TRIM62: variants seen among roughly 807,000 people sequenced by gnomAD.
TRIM62 encodes tripartite motif containing 62.
In TRIM62, 39 loss-of-function variants were observed where a neutral mutation model predicts 44.2. That is an observed-to-expected ratio of 0.88 (90% CI 0.68 to 1.15). The LOEUF (loss-of-function observed/expected upper bound fraction) is 1.15. Ranked by LOEUF, TRIM62 falls within the 50% of genes most tolerant of loss-of-function variation. The pLI, the probability that TRIM62 is intolerant of heterozygous loss-of-function variation, is 0.00. For synonymous variants in TRIM62, 278 were observed against 292.3 expected (o/e 0.95, Z 0.50); for missense variants, 544 against 665.5 (o/e 0.82, Z 2.01).
Position 33,181,254 on chromosome 1 carries a change from G to T in TRIM62, c.179C>A (p.Pro60His), listed in dbSNP as rs1468572066. The stretch of plus-strand genomic sequence containing the variant: ...CAGCTTGAGGCTGGGCGCCAGCGCG[G>T]GCTCGGCGAACGTGCGCCGGCACTC... ...CPECRRTFAE[P>H]ALAPSLKLAN... The change falls in exon 1 of 5, where the codon CCC (proline) becomes CAC (histidine). Residue 60 changes from proline (P) to histidine (H), a missense_variant. Pro to His is a moderately conservative substitution (Grantham distance 77). Coordinates refer to ENST00000291416, the MANE Select transcript of TRIM62 (RefSeq NM_018207.3). This position sits in a 1 kb window ranked among gnomAD's most constrained non-coding sequence, Gnocchi z 6.5. 2 of 1,549,454 alleles carry T rather than the reference G, an allele frequency of 1.3e-6. No individual in the cohort carries two copies. The highest frequency in any genetic ancestry group is 1.2e-5 in the South Asian group (1 of 85,380).
intron 1 of TRIM62, among the ~76,000 whole-genome samples, chr1:33,172,058 A>T (rs1216330296): frequency 6.6e-6 from 1 of 152,224 alleles, no homozygotes; most frequent in African/African-American, 2.4e-5. Context: ...CTGTGATTAC[A>T]GGCATCAGCC....
chr1:33,155,141 G>A (rs1645160474), intron 4 of TRIM62, among the ~76,000 whole-genome samples: 1 of 149,210 alleles, frequency 6.7e-6, no homozygotes, highest in African/African-American at 2.4e-5. Context: ...GCGCGATCTC[G>A]GCTCATTGCA....
intron 2 of TRIM62, 79 bp from the exon 3 acceptor site, chr1:33,160,023 C>G: frequency 1.3e-6 from 2 of 1,547,522 alleles, no homozygotes; most frequent in Non-Finnish European, 1.7e-6. Flanking sequence ...AAATCGAGAG[C>G]CTTGACACAC....
intron 1 of TRIM62, among the ~76,000 whole-genome samples, chr1:33,173,395 A>ATG (rs947771450): frequency 6.6e-6 from 1 of 151,992 alleles, no homozygotes; most frequent in Non-Finnish European, 1.5e-5. Context: ...GGGTGCGTGC[A>ATG]TGTGTGTGTG....
intron 1 of TRIM62, among the ~76,000 whole-genome samples, chr1:33,171,930 C>T (rs1351424951): frequency 2.0e-5 from 3 of 152,022 alleles, no homozygotes; most frequent in Admixed American, 6.5e-5. Context: ...TATAGGCGCC[C>T]GACACCACGC....
intron 4 of TRIM62, among the ~76,000 whole-genome samples, chr1:33,151,430 A>T (rs1006266206): frequency 6.6e-6 from 1 of 152,082 alleles, no homozygotes; most frequent in Non-Finnish European, 1.5e-5. Flanking sequence ...CGAATCATTA[A>T]CACAGGGTCT....
chr1:33,158,486 T>C (rs1645212793), intron 3 of TRIM62, 118 bp from the exon 4 acceptor site: 1 of 735,916 alleles, frequency 1.4e-6, no homozygotes, highest in Admixed American at 2.2e-5. Flanking sequence ...GTGAGAAGTC[T>C]GTGGGACTCA....
Position 33,147,228 on chromosome 1 carries a change from G to A in TRIM62, c.1377C>T (p.His459=), listed in dbSNP as rs774201238. The A allele has an allele frequency of 5.0e-6, 8 of 1,614,010 alleles. No individual in the cohort carries two copies. The highest frequency in any genetic ancestry group is 4.5e-5 in the East Asian group (2 of 44,886). The change falls in exon 5 of 5, where the codon CAC becomes CAT. Residue 459 remains histidine, a synonymous_variant. Transcript: ENST00000291416. The surrounding 1 kb of genome is among the most constrained non-coding windows in gnomAD (Gnocchi z 8.1). ...LCSYFSPGQS[H]ANGKNVQPLR... Reference sequence around the variant, plus strand: ...GCGGCTGAACGTTCTTGCCATTGGCGTGGCTCTGGCCAGGGCTGAAGTAAG... The same window carrying A: ...GCGGCTGAACGTTCTTGCCATTGGCATGGCTCTGGCCAGGGCTGAAGTAAG...
At position 33,177,061 on chromosome 1, in the gene TRIM62, A is replaced by ATG; in HGVS notation, c.408+3963_408+3964insCA. Among the ~76,000 whole-genome samples, 1 of 64,070 alleles carries ATG rather than the reference A, an allele frequency of 1.6e-5. No individual in the cohort carries two copies. The highest frequency in any genetic ancestry group is 3.6e-5 in the Non-Finnish European group (1 of 28,096). The allele number at this position is 64,070 out of a possible 152,430, so 42.0% of individuals were successfully genotyped here. A position where few individuals can be genotyped will look rare whatever the true frequency, so the allele number is the denominator to read the frequency against. On this transcript the variant is annotated intron_variant, in intron 1 of 4. Coordinates refer to ENST00000291416, the MANE Select transcript of TRIM62 (RefSeq NM_018207.3). This position sits in a 1 kb window ranked among gnomAD's most constrained non-coding sequence, Gnocchi z 4.1. ...CATGCACACACACACGCACACACAC[A>ATG]CACATGCACACACACACATGCATGC...
Position 33,147,451 on chromosome 1 carries a change from C to T in TRIM62, c.1154G>A (p.Gly385Asp). Residue 385 changes from glycine to aspartate, a missense_variant, in exon 5 of 5, where the codon GGC becomes GAC. Gly to Asp is a moderately conservative substitution (Grantham distance 94). Coordinates refer to ENST00000291416, the MANE Select transcript of TRIM62 (RefSeq NM_018207.3). This position sits in a 1 kb window ranked among gnomAD's most constrained non-coding sequence, Gnocchi z 8.1. ...ATCGTGCATCACGATGCAGTAGAAGCCGCGGCTGGGCTGGATCTGGATGCT... is the reference window on the plus strand; with the variant it reads ...ATCGTGCATCACGATGCAGTAGAAGTCGCGGCTGGGCTGGATCTGGATGCT... ...KGSIQIQPSR[G>D]FYCIVMHDGN... 1.2e-6 allele frequency: 2 copies of T among 1,613,958 alleles called. No homozygotes were observed. The highest frequency in any genetic ancestry group is 1.7e-6 in the Non-Finnish European group (2 of 1,179,992).
Position 33,147,529 on chromosome 1 carries a change from TCCGCCACCA to T in TRIM62, c.1067_1075del (p.Val356_Ala358del), listed in dbSNP as rs1200209436. 2 of 1,613,738 alleles carry T rather than the reference TCCGCCACCA, an allele frequency of 1.2e-6. No individual in the cohort carries two copies. Among genetic ancestry groups the T allele is most frequent in the Non-Finnish European group, 8.5e-7 (1 of 1,180,000 alleles). ...CAGCCCGATCACCCACTGGGTCTTC[TCCGCCACCA>T]CCACCTCCCAGTAGTGGACGCCACT... On this transcript the variant is annotated inframe_deletion, in exon 5 of 5. Coordinates refer to ENST00000291416, the MANE Select transcript of TRIM62 (RefSeq NM_018207.3). The surrounding 1 kb of genome is among the most constrained non-coding windows in gnomAD (Gnocchi z 8.1).
At chr1:33,171,342 T>C (rs1292300829) in intron 1 of TRIM62, among the ~76,000 whole-genome samples, 1 of 152,178 alleles carries the variant, frequency 6.6e-6, no homozygotes, top group African/African-American at 2.4e-5. Flanking sequence ...CACCTAATTC[T>C]CACAACAATC....
chr1:33,170,175 C>T (rs1037257044), intron 1 of TRIM62, among the ~76,000 whole-genome samples: 2 of 152,102 alleles, frequency 1.3e-5, no homozygotes, highest in African/African-American at 4.8e-5. Flanking sequence ...ACTAAAAATA[C>T]AAAAATTAGC....
At chr1:33,169,668 G>T (rs988134278) in intron 1 of TRIM62, among the ~76,000 whole-genome samples, 1 of 152,212 alleles carries the variant, frequency 6.6e-6, no homozygotes, top group Non-Finnish European at 1.5e-5. Flanking sequence ...TGGTCCAGAC[G>T]TGTGCTGTTC....
intron 1 of TRIM62, among the ~76,000 whole-genome samples, chr1:33,168,684 A>G (rs1645349682): frequency 6.6e-6 from 1 of 152,230 alleles, no homozygotes; most frequent in African/African-American, 2.4e-5. Flanking sequence ...TTGAGCGGAT[A>G]CAGTCCTCGG....
rs1327321812 is a variant in TRIM62, at chr1:33,159,991, G to A, written c.505-47C>T. On this transcript the variant is annotated intron_variant, in intron 2 of 4. Transcript: ENST00000291416. The surrounding 1 kb of genome is among the most constrained non-coding windows in gnomAD (Gnocchi z 4.2). ...GGTTATGGCTGGGGGAGCAGATGGG[G>A]TGATCTCTGGGTGAGAGGAGGAAAT... 1 of 1,581,648 alleles carries A rather than the reference G, an allele frequency of 6.3e-7. No individual in the cohort carries two copies. Among genetic ancestry groups the A allele is most frequent in the Non-Finnish European group, 8.6e-7 (1 of 1,165,898 alleles).
At position 33,165,586 on chromosome 1, in the gene TRIM62, G is replaced by T; in HGVS notation, c.409-20C>A. The stretch of plus-strand genomic sequence containing the variant: ...CTCCCTCTGAAACACACACAGGGCC[G>T]GGATGGGGGCAGGGGCCATGCCTGG... On this transcript the variant is annotated intron_variant, in intron 1 of 4. Transcript: ENST00000291416. The surrounding 1 kb of genome is among the most constrained non-coding windows in gnomAD (Gnocchi z 4.0). 1 of 1,591,262 alleles carries T rather than the reference G, an allele frequency of 6.3e-7. No individual in the cohort carries two copies.
At chr1:33,169,825 G>T (rs542650336) in intron 1 of TRIM62, among the ~76,000 whole-genome samples, 1 of 152,184 alleles carries the variant, frequency 6.6e-6, no homozygotes, top group East Asian at 1.9e-4. Context: ...AGAACTGCCC[G>T]TTCTACCAGA....
At position 33,174,558 on chromosome 1, in the gene TRIM62, A is replaced by C. The variant is rs149996347; in HGVS notation, c.408+6467T>G. Reference sequence around the variant, plus strand: ...AGATCCATCTCATAGGGTTACTGTTAGAATTAAATGAGAGGTAGGCTGGGG... The same window carrying C: ...AGATCCATCTCATAGGGTTACTGTTCGAATTAAATGAGAGGTAGGCTGGGG... On this transcript the variant is annotated intron_variant, in intron 1 of 4. Transcript: ENST00000291416. Among the ~76,000 whole-genome samples the C allele has an allele frequency of 2.4e-3, 367 of 152,314 alleles. 3 individuals are homozygous for C. The highest frequency in any genetic ancestry group is 8.4e-3 in the African/African-American group (350 of 41,560).
Sources: allele counts gnomAD v4.1 joint callset (sites outside exome capture counted in the v4.1 genomes callset), GRCh38; gene constraint gnomAD v4.1.1; non-coding constraint Gnocchi (gnomAD v3.1); transcripts MANE v1.5; gene names NCBI Gene and HGNC (gene_info 2026-07-23, HGNC 2026-07-21).